Variants in LSM14A observed in about 807,000 individuals in gnomAD.
LSM14A encodes protein LSM14 homolog A.
A neutral mutation model predicts 52.4 loss-of-function variants in LSM14A; 14 were observed. The observed-to-expected ratio is 0.27, with a 90% CI of 0.18 to 0.42. The LOEUF is 0.42. Ranked by LOEUF, LSM14A falls within the 10% of genes least tolerant of loss-of-function variation. The pLI is 1.00. For missense variants in LSM14A, 417 were observed against 581.8 expected (o/e 0.72, Z 2.91); for synonymous variants, 185 against 200.3 (o/e 0.92, Z 0.64).
intron 1 of LSM14A, among the ~76,000 whole-genome samples, chr19:34,190,218 T>G (rs3097336): frequency 0.49 from 74,944 of 151,904 alleles, 19,204 homozygotes; most frequent in Middle Eastern, 0.58. Context: ...CTAATCTCTC[T>G]TGTGGAATTT....
intron 3 of LSM14A, among the ~76,000 whole-genome samples, chr19:34,201,331 A>T (rs542211091): frequency 6.6e-6 from 1 of 152,264 alleles, no homozygotes; most frequent in South Asian, 2.1e-4. Context: ...TTTTCAGAAA[A>T]GGAATTAACT....
At chr19:34,226,448 G>A (rs754102967) in intron 9 of LSM14A, 85 of 1,480,026 alleles carry the variant, frequency 5.7e-5, no homozygotes, top group Non-Finnish European at 6.6e-5. Context: ...TGGATTGATC[G>A]TACTGCTTTC....
chr19:34,184,026 A>G (rs1242449376), intron 1 of LSM14A, among the ~76,000 whole-genome samples: 1 of 147,102 alleles, frequency 6.8e-6, no homozygotes, highest in African/African-American at 2.5e-5. Context: ...GCAACCTCTG[A>G]TCTACTTTCT....
Position 34,182,774 on chromosome 19 carries a change from G to A in LSM14A, c.121+10011G>A, listed in dbSNP as rs1371658037. Among the ~76,000 whole-genome samples, 3 of 150,250 alleles carry A rather than the reference G, an allele frequency of 2.0e-5. No homozygotes were observed. The East Asian group carries it at 5.8e-4, about 29-fold the overall frequency. ...CAGGAGAATGGTGTGAACCCGGGAG[G>A]CGGAGCTTGCAGTGAGCCAAGATTA... On this transcript the variant is annotated intron_variant, in intron 1 of 9. Transcript: ENST00000544216.
At chr19:34,179,282 A>C (rs147841177) in intron 1 of LSM14A, among the ~76,000 whole-genome samples, 1 of 152,246 alleles carries the variant, frequency 6.6e-6, no homozygotes, top group Non-Finnish European at 1.5e-5. Flanking sequence ...GGCATAATTT[A>C]TCTACTTCTT....
chr19:34,185,700 A>T (rs2069850838), intron 1 of LSM14A, among the ~76,000 whole-genome samples: 1 of 152,208 alleles, frequency 6.6e-6, no homozygotes, highest in South Asian at 2.1e-4. Context: ...ATCCATATAT[A>T]ATACCTTATT....
chr19:34,175,918 C>A (rs1218732645), intron 1 of LSM14A, among the ~76,000 whole-genome samples: 2 of 151,986 alleles, frequency 1.3e-5, no homozygotes, highest in Admixed American at 6.6e-5. Flanking sequence ...TGCAGTGGTG[C>A]GATCTTGGCT....
intron 3 of LSM14A, chr19:34,208,276 A>G (rs2071859674): frequency 6.6e-6 from 1 of 152,240 alleles, no homozygotes; most frequent in African/African-American, 2.4e-5. Context: ...CTTAGATGAA[A>G]TACCAAGGAA....
chr19:34,217,718 C>T (rs536720959), intron 6 of LSM14A, among the ~76,000 whole-genome samples: 11 of 146,630 alleles, frequency 7.5e-5, no homozygotes, highest in African/African-American at 2.8e-4. Context: ...CAACCTCCAC[C>T]GCCCGGGTTC....
chr19:34,221,774 C>T, intron 9 of LSM14A, 36 bp downstream of exon 9: 1 of 1,580,360 alleles, frequency 6.3e-7, no homozygotes, highest in Non-Finnish European at 8.6e-7. Context: ...TTGGGGTTGA[C>T]ATGCATTTTA....
intron 1 of LSM14A, among the ~76,000 whole-genome samples, chr19:34,177,150 T>G (rs978791903): frequency 2.0e-5 from 3 of 152,204 alleles, no homozygotes; most frequent in African/African-American, 7.2e-5. Flanking sequence ...ATATCTCCAT[T>G]GTTGGATGTA....
intron 1 of LSM14A, among the ~76,000 whole-genome samples, chr19:34,173,190 A>G (rs983383763): frequency 2.6e-5 from 4 of 152,196 alleles, no homozygotes; most frequent in African/African-American, 9.7e-5. Flanking sequence ...CACTTTGTTC[A>G]TTTCAATTCG....
intron 1 of LSM14A, among the ~76,000 whole-genome samples, chr19:34,178,511 G>A (rs1568470319): frequency 6.6e-6 from 1 of 152,162 alleles, no homozygotes; most frequent in Non-Finnish European, 1.5e-5. Context: ...TCACAGCTCT[G>A]AATTTATTTT....
At chr19:34,185,076 T>C (rs1208054589) in intron 1 of LSM14A, among the ~76,000 whole-genome samples, 1 of 152,260 alleles carries the variant, frequency 6.6e-6, no homozygotes, top group Non-Finnish European at 1.5e-5. Flanking sequence ...AATTGCCTTT[T>C]TGGTTTTATA....
intron 3 of LSM14A, 152 bp downstream of exon 3, chr19:34,196,915 T>C: frequency 1.5e-6 from 1 of 657,342 alleles, no homozygotes; most frequent in Non-Finnish European, 2.4e-6. Context: ...TTTGATGATA[T>C]CTTAAAGCCT....
chr19:34,220,784 A>G (rs1012743418), intron 8 of LSM14A, among the ~76,000 whole-genome samples: 28 of 152,174 alleles, frequency 1.8e-4, no homozygotes, highest in South Asian at 2.1e-4. Flanking sequence ...GGGTCCATAG[A>G]TTGGGCCAGG....
intron 1 of LSM14A, among the ~76,000 whole-genome samples, chr19:34,179,149 C>T (rs1423974349): frequency 2.6e-5 from 4 of 152,086 alleles, no homozygotes; most frequent in Non-Finnish European, 4.4e-5. Context: ...TTATGAAGAA[C>T]GATTATATAA....
intron 4 of LSM14A, among the ~76,000 whole-genome samples, chr19:34,209,283 A>G (rs1225266832): frequency 6.6e-6 from 1 of 152,220 alleles, no homozygotes; most frequent in East Asian, 1.9e-4. Context: ...AGCATTCTCT[A>G]AGTTGGACTT....
At chr19:34,219,323 A>C in intron 6 of LSM14A, 68 bp from the exon 7 acceptor site, 1 of 1,035,096 alleles carries the variant, frequency 9.7e-7, no homozygotes, top group Non-Finnish European at 1.4e-6. Flanking sequence ...AGAGCACAAT[A>C]GCAACATCTG....
Sources: allele counts gnomAD v4.1 joint callset (sites outside exome capture counted in the v4.1 genomes callset), GRCh38; gene constraint gnomAD v4.1.1; transcripts MANE v1.5; gene names NCBI Gene and HGNC (gene_info 2026-07-23, HGNC 2026-07-21).